Variants in NEGR1 observed in about 807,000 individuals in gnomAD.
NEGR1 encodes the protein neuronal growth regulator 1, also known as IgLON family member 4.
In NEGR1, 10 loss-of-function variants were observed where a neutral mutation model predicts 40.9. The observed-to-expected ratio is 0.24, with a 90% confidence interval of 0.15 to 0.42. The LOEUF (loss-of-function observed/expected upper bound fraction) is 0.42, where lower values mean the gene tolerates loss of function less well. Among genes scored for constraint, NEGR1 ranks in the 10% least tolerant of loss-of-function variants. The probability of loss-of-function intolerance (pLI) is 1.00; values close to 1 mark genes in which losing one functional copy is unlikely to be tolerated. For synonymous variants in NEGR1, 185 were observed against 166.8 expected (o/e 1.11, Z -0.84); for missense variants, 352 against 438.9 (o/e 0.80, Z 1.77).
At chr1:71,806,174 T>A (rs1657764293) in intron 2 of NEGR1, among the ~76,000 whole-genome samples, 1 of 152,120 alleles carries the variant, frequency 6.6e-6, no homozygotes, top group Non-Finnish European at 1.5e-5. Flanking sequence ...CAATACCTTT[T>A]TAATCAACTG....
intron 6 of NEGR1, among the ~76,000 whole-genome samples, chr1:71,520,372 G>A (rs549100696): frequency 3.3e-5 from 5 of 152,138 alleles, no homozygotes; most frequent in East Asian, 1.9e-4. Context: ...CTCCGTAAGC[G>A]TGGAATCAGA....
Position 71,400,004 on chromosome 1 carries a change from A to G in NEGR1, c.*7442T>C, listed in dbSNP as rs1233073973. ...TCCCCATGTGCTTGAATACTTGTTT[A>G]AGCACAATTCAGAACTGCGGGAGGT... On this transcript the variant is annotated 3_prime_UTR_variant, in exon 7 of 7. Coordinates refer to ENST00000357731, the MANE Select transcript of NEGR1 (RefSeq NM_173808.3). 6.6e-6 allele frequency: 1 copy of G among 152,166 alleles called. No homozygotes were observed. The highest frequency in any genetic ancestry group is 2.4e-5 in the African/African-American group (1 of 41,446). 9.4% of individuals were successfully genotyped at this position (152,166 alleles called of 1,614,324 possible).
chr1:71,805,454 C>A (rs570892848), intron 2 of NEGR1, among the ~76,000 whole-genome samples: 50 of 152,264 alleles, frequency 3.3e-4, no homozygotes, highest in Admixed American at 7.2e-4. Flanking sequence ...CTTTTGTACT[C>A]TTTCCCTTTA....
intron 3 of NEGR1, among the ~76,000 whole-genome samples, chr1:71,742,666 G>A (rs1655251920): frequency 6.6e-6 from 1 of 152,062 alleles, no homozygotes; most frequent in South Asian, 2.1e-4. Context: ...TGGGCTCATA[G>A]CTGGAGGGAA....
chr1:72,101,633 T>A (rs1297748657), intron 1 of NEGR1, among the ~76,000 whole-genome samples: 3 of 152,140 alleles, frequency 2.0e-5, no homozygotes, highest in African/African-American at 4.8e-5. Flanking sequence ...CTTTTTTTTT[T>A]AAATGGCCAA....
chr1:71,613,707 C>A (rs766600795), intron 4 of NEGR1, among the ~76,000 whole-genome samples: 1 of 151,518 alleles, frequency 6.6e-6, no homozygotes, highest in Non-Finnish European at 1.5e-5. Context: ...TGTATGCATG[C>A]GTCTTTTCAT....
intron 1 of NEGR1, among the ~76,000 whole-genome samples, chr1:72,073,792 A>G (rs1647583198): frequency 1.3e-5 from 2 of 151,296 alleles, no homozygotes. Flanking sequence ...GCAGTAAATC[A>G]TTTTTTTTCC....
At chr1:71,462,839 G>T (rs995569247) in intron 6 of NEGR1, among the ~76,000 whole-genome samples, 1 of 152,144 alleles carries the variant, frequency 6.6e-6, no homozygotes, top group Non-Finnish European at 1.5e-5. Flanking sequence ...GACTTAGAAA[G>T]ATATGTTATG....
chr1:72,109,119 G>T (rs911439604), intron 1 of NEGR1, among the ~76,000 whole-genome samples: 1 of 151,478 alleles, frequency 6.6e-6, no homozygotes, highest in Non-Finnish European at 1.5e-5. Context: ...ATTATTTAAT[G>T]ATCTAGTTAT....
At chr1:72,206,971 G>T (rs904527722) in intron 1 of NEGR1, among the ~76,000 whole-genome samples, 28 of 151,206 alleles carry the variant, frequency 1.9e-4, no homozygotes, top group Non-Finnish European at 1.6e-4. Context: ...ACATAAGAAG[G>T]GGTACTTTTT....
chr1:71,852,903 A>C (rs966722030), intron 2 of NEGR1, among the ~76,000 whole-genome samples: 3 of 145,966 alleles, frequency 2.1e-5, no homozygotes, highest in African/African-American at 5.1e-5. Context: ...GAATGGTAAA[A>C]CTAAAGAATG....
chr1:71,900,169 T>C (rs1359202704), intron 2 of NEGR1, among the ~76,000 whole-genome samples: 1 of 152,194 alleles, frequency 6.6e-6, no homozygotes, highest in Non-Finnish European at 1.5e-5. Context: ...TTTCCTCACA[T>C]GATAAATGCG....
chr1:72,191,272 C>A (rs945852796), intron 1 of NEGR1, among the ~76,000 whole-genome samples: 1 of 151,674 alleles, frequency 6.6e-6, no homozygotes. Context: ...TTGATTCTTT[C>A]TCCCTAAAGT....
At chr1:71,512,467 T>TTG (rs34192819) in intron 6 of NEGR1, among the ~76,000 whole-genome samples, 13,562 of 152,172 alleles carry the variant, frequency 0.089, 686 homozygotes, top group African/African-American at 0.12. Flanking sequence ...TTACATTCAA[T>TTG]TGTGCACCAC....
At position 71,885,815 on chromosome 1, in the gene NEGR1, G is replaced by C. The variant is rs6697509; in HGVS notation, c.409+49264C>G. ...TAACTTTCTCTTTAGACAGTTATCTGTTCTAGGTTTACCTGGATATTTTTC... is the reference window on the plus strand; with the variant it reads ...TAACTTTCTCTTTAGACAGTTATCTCTTCTAGGTTTACCTGGATATTTTTC... On this transcript the variant is annotated intron_variant, in intron 2 of 6. Transcript: ENST00000357731. Among the ~76,000 whole-genome samples, 872 of 152,214 alleles carry C rather than the reference G, an allele frequency of 5.7e-3. 5 individuals are homozygous for C. Among genetic ancestry groups the C allele is most frequent in the African/African-American group, 0.02 (824 of 41,530 alleles).
intron 2 of NEGR1, among the ~76,000 whole-genome samples, chr1:71,867,801 T>C (rs533064390): frequency 2.1e-3 from 317 of 152,318 alleles, no homozygotes; most frequent in Non-Finnish European, 3.9e-3. Context: ...CTTAACATGA[T>C]AGTTACTTCA....
chr1:72,240,716 T>C (rs1654704813), intron 1 of NEGR1, among the ~76,000 whole-genome samples: 1 of 151,786 alleles, frequency 6.6e-6, no homozygotes, highest in South Asian at 2.1e-4. Flanking sequence ...AATGGTAACA[T>C]CTGTTTGGTT....
At chr1:72,007,763 C>G (rs1379774291) in intron 1 of NEGR1, among the ~76,000 whole-genome samples, 3 of 152,148 alleles carry the variant, frequency 2.0e-5, no homozygotes, top group African/African-American at 7.2e-5. Flanking sequence ...ACAATTTACT[C>G]TAAAGATATA....
Position 72,134,363 on chromosome 1 carries a change from G to A in NEGR1, c.176+147956C>T, listed in dbSNP as rs539519117. On this transcript the variant is annotated intron_variant, in intron 1 of 6. Coordinates refer to ENST00000357731, the MANE Select transcript of NEGR1 (RefSeq NM_173808.3). ...TGGGACTACAGGCGCCCGCCACCAC[G>A]CCCGCTAATGTTTTGTATTTTTAGT... 6.7e-4 allele frequency among the ~76,000 whole-genome samples: 101 copies of A among 151,300 alleles called. 4 individuals carry two copies. The South Asian group carries it at 0.019, about 28-fold the overall frequency.
Sources: gnomAD v4.1 joint callset for allele counts (sites outside exome capture counted in the v4.1 genomes callset) on GRCh38, gnomAD v4.1.1 for gene constraint, MANE v1.5 for transcripts, NCBI Gene and HGNC (gene_info 2026-07-23, HGNC 2026-07-21) for gene names.